BRCC3: variants seen among roughly 807,000 people sequenced by gnomAD.
BRCC3 encodes the protein lys-63-specific deubiquitinase BRCC36.
Under a neutral mutation model 28.0 loss-of-function variants are expected in BRCC3, and 15 were observed. The ratio of observed to expected loss-of-function variants is 0.54; its 90% CI spans 0.36 to 0.82. The LOEUF (loss-of-function observed/expected upper bound fraction) is 0.82, where lower values mean the gene tolerates loss of function less well. BRCC3 is among the 40% of genes least tolerant of loss of function. The pLI is 0.01. For missense variants in BRCC3, 109 were observed against 225.9 expected, an observed-to-expected ratio of 0.48 and a Z score of 3.32; for synonymous variants, 66 against 80.3, an observed-to-expected ratio of 0.82 and a Z score of 0.95.
intron 7 of BRCC3, among the ~76,000 whole-genome samples, chrX:155,095,260 C>T (rs782535620): frequency 4.5e-5 from 5 of 111,562 alleles, no homozygotes; most frequent in South Asian, 7.5e-4. Context: ...AAAAGAGTTA[C>T]GGTTAATTAT....
chrX:155,103,342 T>C (rs1375464456), intron 7 of BRCC3, among the ~76,000 whole-genome samples: 1 of 112,479 alleles, frequency 8.9e-6, no homozygotes, highest in African/African-American at 3.2e-5. Flanking sequence ...CATCCTTTAA[T>C]GTGTCTTGTA....
intron 5 of BRCC3, among the ~76,000 whole-genome samples, chrX:155,086,329 G>A (rs782563460): frequency 4.5e-5 from 5 of 111,423 alleles, no homozygotes; most frequent in African/African-American, 1.6e-4. Context: ...CAGTCTTGTA[G>A]AGAACCCCAC....
At chrX:155,117,164 A>T (rs1234848776) in intron 9 of BRCC3, among the ~76,000 whole-genome samples, 1 of 112,012 alleles carries the variant, frequency 8.9e-6, no homozygotes, top group Non-Finnish European at 1.9e-5. Context: ...TGGAATTTTA[A>T]TAGTTGGCTT....
chrX:155,104,442 A>G (rs1008014279), intron 7 of BRCC3, among the ~76,000 whole-genome samples: 2 of 112,475 alleles, frequency 1.8e-5, no homozygotes, highest in Admixed American at 1.9e-4. Flanking sequence ...TACTGAGGCA[A>G]GACCCTTTTT....
chrX:155,101,063 T>C (rs782738471), intron 7 of BRCC3, among the ~76,000 whole-genome samples: 2 of 110,623 alleles, frequency 1.8e-5, no homozygotes, highest in African/African-American at 6.6e-5. Flanking sequence ...TTGGCTATTT[T>C]CTTTTTTGTA....
chrX:155,084,462 G>C (rs113544934), intron 5 of BRCC3, among the ~76,000 whole-genome samples: 1 of 110,897 alleles, frequency 9.0e-6, no homozygotes, highest in African/African-American at 3.3e-5. Flanking sequence ...TCCCAGGTTC[G>C]CGCCATTCTC....
At chrX:155,087,164 G>C (rs2074137347) in intron 5 of BRCC3, among the ~76,000 whole-genome samples, 1 of 112,103 alleles carries the variant, frequency 8.9e-6, no homozygotes, top group African/African-American at 3.2e-5. Flanking sequence ...TCAGCGCTCA[G>C]GTGGTCTCCC....
At chrX:155,077,798 C>G (rs1557293799) in intron 4 of BRCC3, among the ~76,000 whole-genome samples, 1 of 111,961 alleles carries the variant, frequency 8.9e-6, no homozygotes, top group African/African-American at 3.3e-5. Flanking sequence ...TTCCGAGTGT[C>G]CTGGCCGGCG....
chrX:155,073,526 G>T, intron 3 of BRCC3, 95 bp downstream of exon 3: 1 of 956,261 alleles, frequency 1.0e-6, no homozygotes. Flanking sequence ...GTTTCTGGCT[G>T]GATGAGATAT....
At chrX:155,074,739 T>C (rs782376721) in intron 3 of BRCC3, among the ~76,000 whole-genome samples, 2 of 112,585 alleles carry the variant, frequency 1.8e-5, no homozygotes, top group African/African-American at 6.4e-5. Context: ...AAATTAGATA[T>C]TAAACTTTAT....
In BRCC3 at chrX:155,116,758, A is replaced by C. The variant is rs782305841; in HGVS notation, c.724+4A>C. Reference sequence around the variant, plus strand: ...ACCAAGATCCATAATGGCTCAGGTAAGAATTGTTTCTTGAGTACTCAGCAT... The same window carrying C: ...ACCAAGATCCATAATGGCTCAGGTACGAATTGTTTCTTGAGTACTCAGCAT... On this transcript the variant is annotated splice_donor_region_variant and intron_variant, in intron 9 of 10. Coordinates refer to ENST00000330045, the MANE Select transcript of BRCC3 (RefSeq NM_001018055.3). 8.7e-7 allele frequency: 1 copy of C among 1,154,027 alleles called. No homozygotes were observed. The highest frequency in any genetic ancestry group is 2.4e-5 in the Admixed American group (1 of 42,276).
chrX:155,095,777 C>CT (rs1323809999), intron 7 of BRCC3, among the ~76,000 whole-genome samples: 2 of 111,212 alleles, frequency 1.8e-5, no homozygotes, highest in Non-Finnish European at 3.8e-5. Context: ...TACAGGTGTA[C>CT]TTTTTTTTGG....
chrX:155,075,305 T>A, intron 3 of BRCC3, among the ~76,000 whole-genome samples: 1 of 51,121 alleles, frequency 2.0e-5, no homozygotes, highest in Admixed American at 2.0e-4. Context: ...TGGCCCTTCT[T>A]GTTCTTCCCC....
chrX:155,072,363 C>G lies in BRCC3; in HGVS notation c.140+20C>G, dbSNP rs2073991964. On this transcript the variant is annotated intron_variant, in intron 2 of 10. Coordinates refer to ENST00000330045, the MANE Select transcript of BRCC3 (RefSeq NM_001018055.3). ...TACAAGGTAAGACTGTATTTGTTTA[C>G]TCATATCTTATAATCTCTAAGTCAT... The G allele has an allele frequency of 8.6e-7, 1 of 1,166,232 alleles. No individual in the cohort carries two copies. The highest frequency in any genetic ancestry group is 2.2e-5 in the Admixed American group (1 of 45,149).
In BRCC3 at chrX:155,090,849, A is replaced by C; in HGVS notation, c.548+10A>C. 8.7e-7 allele frequency: 1 copy of C among 1,146,070 alleles called. No individual in the cohort carries two copies. Among genetic ancestry groups the C allele is most frequent in the African/African-American group, 1.8e-5 (1 of 56,634 alleles). The allele number at this position is 1,146,070 out of a possible 1,213,427, so 94.4% of individuals were successfully genotyped here. A position where few individuals can be genotyped will look rare whatever the true frequency, so the allele number is the denominator to read the frequency against. On this transcript the variant is annotated intron_variant, in intron 7 of 10. Transcript: ENST00000330045. ...CCCAAAAGAGTTCAGAGTAAGTATG[A>C]GAGAGACTTATGTGTGTATTGGAGG...
intron 7 of BRCC3, among the ~76,000 whole-genome samples, chrX:155,092,593 C>T (rs1470564906): frequency 9.0e-6 from 1 of 110,894 alleles, no homozygotes; most frequent in Non-Finnish European, 1.9e-5. Flanking sequence ...GGCTTTTTCC[C>T]CTTATTTTTC....
chrX:155,102,862 A>G (rs1284671406), intron 7 of BRCC3, among the ~76,000 whole-genome samples: 1 of 111,713 alleles, frequency 9.0e-6, no homozygotes, highest in African/African-American at 3.3e-5. Flanking sequence ...TTGTTATTTC[A>G]GTGGTTGCTT....
intron 7 of BRCC3, among the ~76,000 whole-genome samples, chrX:155,103,598 A>C (rs2074260036): frequency 8.9e-6 from 1 of 112,186 alleles, no homozygotes; most frequent in Non-Finnish European, 1.9e-5. Flanking sequence ...CACTGGCTTT[A>C]AACCATTTGA....
intron 5 of BRCC3, among the ~76,000 whole-genome samples, chrX:155,082,829 G>A (rs1336608115): frequency 1.8e-5 from 2 of 112,170 alleles, no homozygotes; most frequent in Non-Finnish European, 3.8e-5. Flanking sequence ...TTCCAATACA[G>A]GATCCAATCT....
Sources: allele counts gnomAD v4.1 joint callset (sites outside exome capture counted in the v4.1 genomes callset), GRCh38; gene constraint gnomAD v4.1.1; transcripts MANE v1.5; gene names NCBI Gene and HGNC (gene_info 2026-07-23, HGNC 2026-07-21).